The following TNS1 variants were observed in gnomAD, a reference collection of about 807,000 sequenced individuals.
The protein encoded by TNS1 is tensin 1, also known as tensin-1.
A neutral mutation model predicts 168.6 loss-of-function variants in TNS1; 62 were observed. The ratio of observed to expected loss-of-function variants is 0.37; its 90% CI spans 0.30 to 0.45. The LOEUF is 0.45. Ranked by LOEUF, TNS1 falls within the 20% of genes least tolerant of loss-of-function variation. The probability of loss-of-function intolerance (pLI) is 1.00; values close to 1 mark genes in which losing one functional copy is unlikely to be tolerated. For synonymous variants in TNS1, 934 were observed against 933.2 expected, an observed-to-expected ratio of 1.00 and a Z score of -0.02; for missense variants, 2,240 against 2,339.4, an observed-to-expected ratio of 0.96 and a Z score of 0.88.
intron 18 of TNS1, among the ~76,000 whole-genome samples, chr2:217,853,952 C>A (rs973572817): frequency 6.6e-6 from 1 of 152,180 alleles, no homozygotes; most frequent in Non-Finnish European, 1.5e-5. Context: ...ACGAAGGAAA[C>A]AAATAGGGGA....
At chr2:217,860,225 A>G (rs1948656653) in intron 18 of TNS1, among the ~76,000 whole-genome samples, 1 of 152,098 alleles carries the variant, frequency 6.6e-6, no homozygotes, top group South Asian at 2.1e-4. Context: ...GCCCCTCGCC[A>G]TTTTCAGCAC....
At chr2:217,966,320 C>CGTGT (rs1957639262) in intron 3 of TNS1, among the ~76,000 whole-genome samples, 1 of 149,796 alleles carries the variant, frequency 6.7e-6, no homozygotes, top group Non-Finnish European at 1.5e-5. Flanking sequence ...CGCGCGCGCG[C>CGTGT]GTGTGTAAGG....
At chr2:217,939,748 G>A (rs1956814794) in intron 3 of TNS1, among the ~76,000 whole-genome samples, 1 of 152,228 alleles carries the variant, frequency 6.6e-6, no homozygotes. Flanking sequence ...AAAAGGCAGG[G>A]ACTGCAGAGC....
intron 19 of TNS1, chr2:217,841,966 A>G (rs533977365): frequency 2.3e-5 from 15 of 649,352 alleles, no homozygotes; most frequent in Middle Eastern, 2.9e-4. Context: ...CCCCTTGTTG[A>G]CTTCTAACCC....
chr2:217,936,149 C>T lies in TNS1; in HGVS notation c.187-15913G>A, dbSNP rs374530079. ...GAGCCAGGCTGGGCATGGCTGCCTC[C>T]GAGCAATCAGGCTCCTCCACCCTGA... On this transcript the variant is annotated intron_variant, in intron 3 of 32. Coordinates refer to ENST00000682258, the MANE Select transcript of TNS1 (RefSeq NM_001387777.1). Among the ~76,000 whole-genome samples the T allele has an allele frequency of 4.6e-5, 7 of 152,306 alleles. 1 individual carries two copies. In the Middle Eastern group the frequency reaches 0.017, roughly 370 times the overall value.
At chr2:218,001,854 G>A (rs1471144139) in intron 1 of TNS1, among the ~76,000 whole-genome samples, 3 of 151,866 alleles carry the variant, frequency 2.0e-5, no homozygotes, top group African/African-American at 7.3e-5. Context: ...GCCAGAACAA[G>A]GAAAGGGACA....
At chr2:217,826,795 G>C (rs1943690803) in intron 22 of TNS1, among the ~76,000 whole-genome samples, 1 of 152,204 alleles carries the variant, frequency 6.6e-6, no homozygotes, top group South Asian at 2.1e-4. Context: ...ACCCTGCCAA[G>C]TGGCTGCTGG....
chr2:217,939,735 C>T (rs370072785), intron 3 of TNS1, among the ~76,000 whole-genome samples: 2 of 152,340 alleles, frequency 1.3e-5, no homozygotes, highest in Admixed American at 6.5e-5. Flanking sequence ...GCTTCCAGGC[C>T]TAAAAAGGCA....
chr2:217,975,738 A>T (rs1383769208), intron 3 of TNS1, among the ~76,000 whole-genome samples: 3 of 152,142 alleles, frequency 2.0e-5, no homozygotes, highest in Non-Finnish European at 4.4e-5. Context: ...CTCACACCCA[A>T]AATCCGATGG....
At chr2:217,885,324 G>T (rs1023793628) in intron 15 of TNS1, among the ~76,000 whole-genome samples, 160 bp from the exon 16 acceptor site, 2 of 152,228 alleles carry the variant, frequency 1.3e-5, no homozygotes, top group African/African-American at 4.8e-5. Context: ...GAGTTCTGTG[G>T]GGAAACTTCT....
At chr2:217,805,525 CCACACA>C (rs1559132199) in intron 32 of TNS1, among the ~76,000 whole-genome samples, 3 of 1,740 alleles carry the variant, frequency 1.7e-3, no homozygotes, top group Non-Finnish European at 2.4e-3. Flanking sequence ...ACCACACACA[CCACACA>C]CACCACACAC....
chr2:217,929,322 G>A (rs1360903842), intron 3 of TNS1, among the ~76,000 whole-genome samples: 1 of 152,186 alleles, frequency 6.6e-6, no homozygotes, highest in Non-Finnish European at 1.5e-5. Flanking sequence ...AGGGAAGCTG[G>A]GAGAGGTGAG....
At position 217,813,259 on chromosome 2, in the gene TNS1, G is replaced by T; in HGVS notation, c.4910C>A (p.Pro1637His). Residue 1637 changes from proline to histidine, a missense_variant, in exon 27 of 33, where the codon CCC becomes CAC. By Grantham distance (77) the Pro-to-His change is moderately conservative. Transcript: ENST00000682258. The surrounding 1 kb of genome is among the most constrained non-coding windows in gnomAD (Gnocchi z 4.0). ...GCAGCCCTTGAGCTTGACTCCTCTG[G>T]GGCCAGTCTCTATCAGAAAATGCCT... The part of the protein sequence containing the change: ...LVRHFLIETG[P>H]RGVKLKGCPN... The T allele has an allele frequency of 6.2e-7, 1 of 1,602,452 alleles. No individual in the cohort carries two copies. Among genetic ancestry groups the T allele is most frequent in the East Asian group, 2.2e-5 (1 of 44,546 alleles).
rs1269544330 is a variant in TNS1 at position 217,948,270 on chromosome 2, CA to C, written c.187-28035del. On this transcript the variant is annotated intron_variant, in intron 3 of 32. Coordinates refer to ENST00000682258, the MANE Select transcript of TNS1 (RefSeq NM_001387777.1). The surrounding 1 kb of genome is among the most constrained non-coding windows in gnomAD (Gnocchi z 4.1). ...GGGTGGGAAGTGTTAGTCTCTGGGGCAATTACTGGAGCCGCCTCCTCTAGCA... is the reference window on the plus strand; with the variant it reads ...GGGTGGGAAGTGTTAGTCTCTGGGGCATTACTGGAGCCGCCTCCTCTAGCA... Among the ~76,000 whole-genome samples, 5 of 152,152 alleles carry C rather than the reference CA, an allele frequency of 3.3e-5. No individual in the cohort carries two copies. Among genetic ancestry groups the C allele is most frequent in the Non-Finnish European group, 5.9e-5 (4 of 68,020 alleles).
upstream of TNS1, among the ~76,000 whole-genome samples, chr2:218,007,566 T>G (rs922464707): frequency 0.014 from 1,029 of 74,870 alleles, 1 homozygote; most frequent in Middle Eastern, 0.023. Flanking sequence ...GCTCGGGGGG[T>G]GGGGGGGGGG....
At chr2:218,016,598 C>A (rs542787956) in intron 1 of TNS1, among the ~76,000 whole-genome samples, 1 of 152,292 alleles carries the variant, frequency 6.6e-6, no homozygotes, top group South Asian at 2.1e-4. Flanking sequence ...CCATGCCCTG[C>A]AGATAGCCAG....
chr2:217,835,185 G>A lies in TNS1; in HGVS notation c.3205-19C>T. On this transcript the variant is annotated intron_variant, in intron 20 of 32. Transcript: ENST00000682258. The stretch of plus-strand genomic sequence containing the variant: ...AATGGGGCTGTGGGAGAACACAGGG[G>A]AGAAAAAGAGGGAAACCATGAGAAG... 6.2e-7 allele frequency: 1 copy of A among 1,600,072 alleles called. No homozygotes were observed. Among genetic ancestry groups the A allele is most frequent in the Non-Finnish European group, 8.5e-7 (1 of 1,173,700 alleles).
chr2:217,896,019 A>G (rs563815584), intron 8 of TNS1, among the ~76,000 whole-genome samples: 2 of 152,358 alleles, frequency 1.3e-5, no homozygotes, highest in Admixed American at 6.5e-5. Flanking sequence ...CCATCACTCA[A>G]TGAATGTCTG....
Position 217,814,945 on chromosome 2 carries a change from A to G in TNS1, c.4696T>C (p.Tyr1566His). The change falls in exon 25 of 33, where the codon TAT becomes CAT. Residue 1566 changes from tyrosine (Y) to histidine (H), a missense_variant. This residue lies in a region of TNS1 where 2,131 missense variants were observed against 2,171.2 expected (regional missense o/e 0.98). Coordinates refer to ENST00000682258, the MANE Select transcript of TNS1 (RefSeq NM_001387777.1). ...CTGGAGATCTCAGGCTTGTACCAAT[A>G]CTTAGAAGTGTCCTGGACAAACTTC... Reference protein sequence around the residue: ...KVKFVQDTSKYWYKPEISREQ... With the variant: ...KVKFVQDTSKHWYKPEISREQ... 1 of 1,613,602 alleles carries G rather than the reference A, an allele frequency of 6.2e-7. No homozygotes were observed. The highest frequency in any genetic ancestry group is 2.2e-5 in the East Asian group (1 of 44,880).
Sources: allele counts gnomAD v4.1 joint callset (sites outside exome capture counted in the v4.1 genomes callset), GRCh38; gene constraint gnomAD v4.1.1; regional missense constraint gnomAD v4.1.1; non-coding constraint Gnocchi (gnomAD v3.1); transcripts MANE v1.5; gene names NCBI Gene and HGNC (gene_info 2026-07-23, HGNC 2026-07-21).